Variants in KIF18B observed in about 807,000 individuals in gnomAD.
KIF18B encodes kinesin family member 18B.
A neutral mutation model predicts 80.9 loss-of-function variants in KIF18B; 49 were observed. That is an observed-to-expected ratio of 0.61 (90% confidence interval 0.48 to 0.77). The LOEUF is 0.77. Among genes scored for constraint, KIF18B ranks in the 30% least tolerant of loss-of-function variants. The probability of loss-of-function intolerance (pLI) is 0.00; values close to 1 mark genes in which losing one functional copy is unlikely to be tolerated. For missense variants in KIF18B, 994 were observed against 1,127.7 expected (o/e 0.88, Z 1.70); for synonymous variants, 439 against 463.9 (o/e 0.95, Z 0.69).
In KIF18B at chr17:44,932,242, G is replaced by A. The variant is rs752022013; in HGVS notation, c.1239-36C>T. The A allele has an allele frequency of 7.7e-6, 12 of 1,556,912 alleles. No homozygotes were observed. The Admixed American group carries it at 1.1e-4, about 15-fold the overall frequency. ...GGGGTGGCAAGGGGGAGCTGGGAAG[G>A]CTAAGCGGGAAAGGAGGGTTTGAGA... On this transcript the variant is annotated intron_variant, in intron 9 of 15. Coordinates refer to ENST00000593135, the MANE Select transcript of KIF18B (RefSeq NM_001265577.2).
intron 7 of KIF18B, among the ~76,000 whole-genome samples, 160 bp downstream of exon 7, chr17:44,933,763 G>A (rs1178772061): frequency 6.6e-6 from 1 of 152,096 alleles, no homozygotes; most frequent in Non-Finnish European, 1.5e-5. Flanking sequence ...AAAGTGCTGG[G>A]ATTACAGGCA....
Position 44,928,963 on chromosome 17 carries a change from G to T in KIF18B, c.1579C>A (p.Leu527Ile), listed in dbSNP as rs767796807. Residue 527 changes from leucine (L) to isoleucine (I), a missense_variant, in exon 12 of 16, where the codon CTC becomes ATC. Transcript: ENST00000593135. ...RQYSLLQAAN[L>I]LTPDMITEFE... is the part of the protein sequence containing the mutation. ...TCTGTGATCATGTCGGGCGTCAGGA[G>T]GTTGGCTGCTTGGAGCAGGGAGTAC... The T allele has an allele frequency of 3.1e-6, 5 of 1,614,042 alleles. No individual in the cohort carries two copies. The South Asian group carries it at 5.5e-5, about 18-fold the overall frequency.
At position 44,934,447 on chromosome 17, in the gene KIF18B, G is replaced by C; in HGVS notation, c.688-17C>G. The stretch of plus-strand genomic sequence containing the variant: ...CACAAAGATCTGAAGGCAGATGGCA[G>C]GGGTGAGGGGGAGATGGGCATCAGG... On this transcript the variant is annotated splice_polypyrimidine_tract_variant and intron_variant, in intron 5 of 15. Transcript: ENST00000593135. This position sits in a 1 kb window ranked among gnomAD's most constrained non-coding sequence, Gnocchi z 5.4. 3.1e-6 allele frequency: 5 copies of C among 1,603,580 alleles called. No homozygotes were observed. Among genetic ancestry groups the C allele is most frequent in the Non-Finnish European group, 2.6e-6 (3 of 1,173,786 alleles).
intron 3 of KIF18B, 127 bp downstream of exon 3, chr17:44,935,132 C>T: frequency 9.6e-7 from 1 of 1,037,466 alleles, no homozygotes; most frequent in Non-Finnish European, 1.4e-6. Context: ...TGAGCAGTAT[C>T]TATCTCCTTG....
intron 1 of KIF18B, among the ~76,000 whole-genome samples, chr17:44,936,614 ATATATATATATTTTTT>A (rs2052309374): frequency 1.3e-5 from 1 of 79,124 alleles, no homozygotes; most frequent in African/African-American, 4.9e-5. Flanking sequence ...ATATATATAT[ATATATATATATTTTTT>A]TTTTTTTTTT....
intron 1 of KIF18B, among the ~76,000 whole-genome samples, chr17:44,939,230 G>A (rs909399295): frequency 1.3e-5 from 2 of 151,182 alleles, no homozygotes; most frequent in Admixed American, 6.6e-5. Flanking sequence ...AATTAGTCGG[G>A]CACGGTGGCG....
intron 9 of KIF18B, 156 bp downstream of exon 9, chr17:44,932,517 A>G: frequency 1.6e-6 from 1 of 624,590 alleles, no homozygotes; most frequent in Non-Finnish European, 2.8e-6. Context: ...TCTAGGTGAC[A>G]GTCAGTTGCT....
intron 1 of KIF18B, among the ~76,000 whole-genome samples, chr17:44,947,161 C>A (rs2052527736): frequency 6.7e-6 from 1 of 148,924 alleles, no homozygotes; most frequent in Admixed American, 6.7e-5. Context: ...CGTGCCAGAG[C>A]CACCGGCACG....
chr17:44,941,844 A>G (rs537860120), intron 1 of KIF18B, among the ~76,000 whole-genome samples: 73 of 152,282 alleles, frequency 4.8e-4, no homozygotes, highest in African/African-American at 1.7e-3. Context: ...TAAAAAGGGC[A>G]CTGGCAAAGG....
intron 1 of KIF18B, among the ~76,000 whole-genome samples, chr17:44,938,051 T>C (rs2052344413): frequency 6.6e-6 from 1 of 152,102 alleles, no homozygotes; most frequent in Non-Finnish European, 1.5e-5. Flanking sequence ...GTTTCACTCT[T>C]GTTGCCTAGG....
In KIF18B at chr17:44,938,017, CATAT is replaced by C. The variant is rs566922562; in HGVS notation, c.-14-1663_-14-1660del. Among the ~76,000 whole-genome samples the C allele has an allele frequency of 8.0e-3, 1,053 of 132,132 alleles. 5 individuals are homozygous for C. Among genetic ancestry groups the C allele is most frequent in the Non-Finnish European group, 0.013 (775 of 61,372 alleles). 86.7% of individuals were successfully genotyped at this position (132,132 alleles called of 152,430 possible). A position where few individuals can be genotyped will look rare whatever the true frequency, so the allele number is the denominator to read the frequency against. On this transcript the variant is annotated intron_variant, in intron 1 of 15. Transcript: ENST00000593135. ...ACACACACACACACACACACACACA[CATAT>C]ATATTTTTTTTGAGATGGAGTTTCA...
rs1000983612 is a variant in KIF18B at position 44,928,463 on chromosome 17, G to C, written c.1839C>G (p.Pro613=). 1.2e-5 allele frequency: 19 copies of C among 1,530,240 alleles called. No homozygotes were observed. Among genetic ancestry groups the C allele is most frequent in the Non-Finnish European group, 1.5e-5 (17 of 1,143,344 alleles). 94.8% of individuals were successfully genotyped at this position (1,530,240 alleles called of 1,614,324 possible). Residue 613 remains proline (P), a synonymous_variant, in exon 13 of 16, where the codon CCC becomes CCG. Coordinates refer to ENST00000593135, the MANE Select transcript of KIF18B (RefSeq NM_001265577.2). ...GGGACCCCTGGGCTGGGGTGCAGTT[G>C]GGTCCAGGCGGGATTCCCAGGGTGT... is the stretch of plus-strand genomic sequence containing the variant. ...PLHTLGIPPG[P]NCTPAQGSRW...
rs564804919 is a variant in KIF18B at position 44,925,036 on chromosome 17, C to T, written c.*1044G>A. ...ACCAGGAAGAGCCAAGCCGCGACTCCCCGCTCCCCAACCCATCCTCATTCC... is the reference window on the plus strand; with the variant it reads ...ACCAGGAAGAGCCAAGCCGCGACTCTCCGCTCCCCAACCCATCCTCATTCC... On this transcript the variant is annotated 3_prime_UTR_variant, in exon 16 of 16. Coordinates refer to ENST00000593135, the MANE Select transcript of KIF18B (RefSeq NM_001265577.2). 6.6e-6 allele frequency: 1 copy of T among 152,248 alleles called. No individual in the cohort carries two copies. The highest frequency in any genetic ancestry group is 1.9e-4 in the East Asian group (1 of 5,196). The allele number at this position is 152,248 out of a possible 1,614,324, so 9.4% of individuals were successfully genotyped here.
At position 44,934,037 on chromosome 17, in the gene KIF18B, G is replaced by A. The variant is rs1378399639; in HGVS notation, c.948C>T (p.Leu316=). Residue 316 remains leucine (L), a synonymous_variant, in exon 7 of 16, where the codon CTC becomes CTT. Transcript: ENST00000593135. This position sits in a 1 kb window ranked among gnomAD's most constrained non-coding sequence, Gnocchi z 5.4. ...TCATCACTGTGCGGCAGTTGCCCCC[G>A]AGGGAGTCTTTGAGCAGGCGGGTCA... ...SKLTRLLKDS[L]GGNCRTVMIA... 1.3e-5 allele frequency: 21 copies of A among 1,612,514 alleles called. No homozygotes were observed. The highest frequency in any genetic ancestry group is 1.6e-4 in the Middle Eastern group (1 of 6,062).
chr17:44,939,664 C>G lies in KIF18B; in HGVS notation c.-14-3306G>C, dbSNP rs939778329. 3.9e-5 allele frequency among the ~76,000 whole-genome samples: 6 copies of G among 152,200 alleles called. No homozygotes were observed. The East Asian group carries it at 1.2e-3, about 29-fold the overall frequency. On this transcript the variant is annotated intron_variant, in intron 1 of 15. Coordinates refer to ENST00000593135, the MANE Select transcript of KIF18B (RefSeq NM_001265577.2). Reference sequence around the variant, plus strand: ...TCTTTACAATATCAAGTGTTCCCACCTAGGAACTGATATCTCTTTCCATTT... The same window carrying G: ...TCTTTACAATATCAAGTGTTCCCACGTAGGAACTGATATCTCTTTCCATTT...
In KIF18B at chr17:44,926,090, T is replaced by G; in HGVS notation, c.2549A>C (p.Lys850Thr). The change falls in exon 16 of 16, where the codon AAG (lysine) becomes ACG (threonine). Residue 850 changes from lysine to threonine, a missense_variant. Physicochemically the swap from Lys to Thr is moderately conservative, Grantham distance 78. Coordinates refer to ENST00000593135, the MANE Select transcript of KIF18B (RefSeq NM_001265577.2). ...AGGACATTCTGGCGGTCAGGACACCTTGGTGACGCCGTTCCCTGCTGAGAG... is the reference window on the plus strand; with the variant it reads ...AGGACATTCTGGCGGTCAGGACACCGTGGTGACGCCGTTCCCTGCTGAGAG... ...RALSAGNGVTKVS is the reference protein window; with the variant it reads ...RALSAGNGVTTVS 1.2e-6 allele frequency: 2 copies of G among 1,613,904 alleles called. No individual in the cohort carries two copies. The highest frequency in any genetic ancestry group is 1.7e-6 in the Non-Finnish European group (2 of 1,179,848).
chr17:44,930,092 A>G (rs1213307310), intron 11 of KIF18B, among the ~76,000 whole-genome samples: 3 of 152,228 alleles, frequency 2.0e-5, no homozygotes, highest in Non-Finnish European at 1.5e-5. Context: ...AACTCATTTT[A>G]TAAAGCAGCC....
At chr17:44,936,422 G>T (rs1181652277) in intron 1 of KIF18B, 64 bp from the exon 2 acceptor site, 67 of 1,395,646 alleles carry the variant, frequency 4.8e-5, no homozygotes, top group Non-Finnish European at 6.2e-5. Context: ...TGCCCCCTCA[G>T]TACTCCAAGG....
Position 44,936,618 on chromosome 17 carries a change from ATATATATTTTTTTTTTTTTTTTTT to A in KIF18B, c.-14-284_-14-261del, listed in dbSNP as rs1295470584. On this transcript the variant is annotated intron_variant, in intron 1 of 15. Coordinates refer to ENST00000593135, the MANE Select transcript of KIF18B (RefSeq NM_001265577.2). ...TCTCTCTATATATATATATATATAT[ATATATATTTTTTTTTTTTTTTTTT>A]TTTTTTTTTTTTTTTGAGACGGACT... is the stretch of plus-strand genomic sequence containing the variant. Among the ~76,000 whole-genome samples, 49 of 72,752 alleles carry A rather than the reference ATATATATTTTTTTTTTTTTTTTTT, an allele frequency of 6.7e-4. 2 individuals carry two copies. Among genetic ancestry groups the A allele is most frequent in the African/African-American group, 2.7e-3 (45 of 16,714 alleles). The allele number at this position is 72,752 out of a possible 152,430, so 47.7% of individuals were successfully genotyped here.
Sources: gnomAD v4.1 joint callset for allele counts (sites outside exome capture counted in the v4.1 genomes callset) on GRCh38, gnomAD v4.1.1 for gene constraint, Gnocchi (gnomAD v3.1) non-coding constraint, MANE v1.5 for transcripts, NCBI Gene and HGNC (gene_info 2026-07-23, HGNC 2026-07-21) for gene names.